CROCC: variants seen among roughly 807,000 people sequenced by gnomAD.
CROCC encodes ciliary rootlet coiled-coil, rootletin, also known as rootletin.
In CROCC, 180 loss-of-function variants were observed where a neutral mutation model predicts 245.2. The observed-to-expected ratio is 0.73, with a 90% CI of 0.65 to 0.83. The LOEUF is 0.83. Ranked by LOEUF, CROCC falls within the 40% of genes least tolerant of loss-of-function variation. The pLI is 0.00. For missense variants in CROCC, 2,688 were observed against 2,779.4 expected (o/e 0.97, Z 0.74); for synonymous variants, 1,205 against 1,241.6 (o/e 0.97, Z 0.62).
chr1:16,930,994 C>T (rs2075664221), intron 7 of CROCC, among the ~76,000 whole-genome samples: 1 of 152,404 alleles, frequency 6.6e-6, no homozygotes, highest in East Asian at 1.9e-4. Context: ...AAGTAACCTG[C>T]CCACAGTCAT....
rs774162350 is a variant in CROCC at position 16,970,331 on chromosome 1, C to T, written c.5530C>T (p.Gln1844Ter). 6.3e-7 allele frequency: 1 copy of T among 1,587,562 alleles called. No individual in the cohort carries two copies. The highest frequency in any genetic ancestry group is 1.1e-5 in the South Asian group (1 of 87,550). Residue 1844 changes from glutamine to a stop codon, truncating the protein, a stop_gained, in exon 34 of 37, where the codon CAG becomes TAG. Transcript: ENST00000375541. LOFTEE classifies it high-confidence loss of function. Reference protein sequence around the residue: ...QKLQDERRLLQERLGSLQRAL... With the variant: ...QKLQDERRLL Reference sequence around the variant, plus strand: ...GCTGCAAGACGAGCGGCGGCTGCTGCAGGAGCGCCTGGGAAGCCTGCAGCG... The same window carrying T: ...GCTGCAAGACGAGCGGCGGCTGCTGTAGGAGCGCCTGGGAAGCCTGCAGCG...
rs372884123 is a variant in CROCC, at chr1:16,970,323, G to A, written c.5522G>A (p.Arg1841Gln). The A allele has an allele frequency of 2.6e-4, 406 of 1,586,032 alleles. 1 individual carries two copies. In the African/African-American group the frequency reaches 4.7e-3, roughly 18 times the overall value. The change falls in exon 34 of 37, where the codon CGG becomes CAG. Residue 1841 changes from arginine (R) to glutamine (Q), a missense_variant. Around this residue, in one of 9 missense-constraint regions of CROCC, gnomAD observed 1,218 missense variants for 1,286.3 expected, o/e 0.95. Transcript: ENST00000375541. Reference protein sequence around the residue: ...NTVQKLQDERRLLQERLGSLQ... With the variant: ...NTVQKLQDERQLLQERLGSLQ... ...GTCCAGAAGCTGCAAGACGAGCGGC[G>A]GCTGCTGCAGGAGCGCCTGGGAAGC...
chr1:16,916,641 G>A (rs773063814), intron 1 of CROCC, among the ~76,000 whole-genome samples: 8 of 152,262 alleles, frequency 5.3e-5, no homozygotes, highest in Admixed American at 3.9e-4. Flanking sequence ...CAAGGAACTG[G>A]GACTACAGGA....
chr1:16,947,202 C>T (rs1467403952), intron 17 of CROCC, among the ~76,000 whole-genome samples: 1 of 152,288 alleles, frequency 6.6e-6, no homozygotes, highest in Admixed American at 6.5e-5. Context: ...GCCAGCCAGG[C>T]GCAGTGGCTC....
chr1:16,919,979 C>T (rs1471702510), upstream of CROCC, among the ~76,000 whole-genome samples: 2 of 152,262 alleles, frequency 1.3e-5, no homozygotes, highest in Non-Finnish European at 2.9e-5. Context: ...GCAACCTCCT[C>T]CTCCTGGGTT....
chr1:16,962,378 A>C (rs2076346974), intron 27 of CROCC, among the ~76,000 whole-genome samples: 1 of 150,698 alleles, frequency 6.6e-6, no homozygotes, highest in African/African-American at 2.4e-5. Flanking sequence ...CTAAAAATAC[A>C]AAAAAAATTA....
In CROCC at chr1:16,972,707, G is replaced by A. The variant is rs1267514529; in HGVS notation, c.*261G>A. ...AAGTTCCTCCTTGAGAGGCTGAGCC[G>A]TAGCCAGGATTGGGGAGAGCCCTTG... On this transcript the variant is annotated 3_prime_UTR_variant, in exon 37 of 37. Coordinates refer to ENST00000375541, the MANE Select transcript of CROCC (RefSeq NM_014675.5). The A allele has an allele frequency of 1.9e-5, 6 of 321,222 alleles. No individual in the cohort carries two copies. The highest frequency in any genetic ancestry group is 4.7e-5 in the South Asian group (1 of 21,404). The allele number at this position is 321,222 out of a possible 1,614,324, so 19.9% of individuals were successfully genotyped here. A position where few individuals can be genotyped will look rare whatever the true frequency, so the allele number is the denominator to read the frequency against.
intron 26 of CROCC, among the ~76,000 whole-genome samples, chr1:16,959,184 A>G (rs2076292741): frequency 6.6e-6 from 1 of 151,988 alleles, no homozygotes; most frequent in African/African-American, 2.4e-5. Flanking sequence ...CACCACGCCC[A>G]GCTAATTTTT....
intron 33 of CROCC, 138 bp from the exon 34 acceptor site, chr1:16,970,115 T>C (rs2076489831): frequency 2.1e-5 from 25 of 1,200,730 alleles, no homozygotes; most frequent in Non-Finnish European, 2.5e-5. Flanking sequence ...AGAGACAGGT[T>C]TGGCTTCAGG....
In CROCC at chr1:16,930,501, T is replaced by C. The variant is rs376226035; in HGVS notation, c.756T>C (p.Ala252=). ...ACCAGGCAGGCTCGGCCAACCAGGC[T>C]CTGAGTGAGGACATACGAAAGGTGA... ...QLDQAGSANQ[A]LSEDIRKVTN... Residue 252 remains alanine (A), a synonymous_variant, in exon 7 of 37, where the codon GCT becomes GCC. Transcript: ENST00000375541. 8 of 1,612,290 alleles carry C rather than the reference T, an allele frequency of 5.0e-6. No individual in the cohort carries two copies. The African/African-American group carries it at 9.3e-5, about 19-fold the overall frequency.
intron 31 of CROCC, 74 bp downstream of exon 31, chr1:16,968,492 C>G: frequency 7.3e-7 from 1 of 1,362,946 alleles, no homozygotes; most frequent in Non-Finnish European, 9.7e-7. Flanking sequence ...ACTACGCAGT[C>G]CCCCAACAAC....
intron 1 of CROCC, among the ~76,000 whole-genome samples, chr1:16,914,266 C>T (rs1330066524): frequency 1.3e-5 from 2 of 152,144 alleles, no homozygotes; most frequent in African/African-American, 4.8e-5. Flanking sequence ...CCGCGACTGC[C>T]GCGGCCCGGC....
Position 16,966,553 on chromosome 1 carries a change from C to G in CROCC, c.4842C>G (p.Ser1614Arg). Reference sequence around the variant, plus strand: ...AGAGGAGCCTGCAGGCCACCGAGAGCGAGCTCCGGGCCAGCCAGGTGGGCA... The same window carrying G: ...AGAGGAGCCTGCAGGCCACCGAGAGGGAGCTCCGGGCCAGCCAGGTGGGCA... The part of the protein sequence containing the change: ...TLERSLQATE[S>R]ELRASQEKIS... Residue 1614 changes from serine (S) to arginine (R), a missense_variant, in exon 30 of 37, where the codon AGC (serine) becomes AGG (arginine). Physicochemically the swap from Ser to Arg is moderately radical, Grantham distance 110. Transcript: ENST00000375541. The surrounding 1 kb of genome is among the most constrained non-coding windows in gnomAD (Gnocchi z 4.8). 1 of 1,490,206 alleles carries G rather than the reference C, an allele frequency of 6.7e-7. No individual in the cohort carries two copies. Among genetic ancestry groups the G allele is most frequent in the Non-Finnish European group, 8.9e-7 (1 of 1,122,732 alleles). 92.3% of individuals were successfully genotyped at this position (1,490,206 alleles called of 1,614,324 possible). A position where few individuals can be genotyped will look rare whatever the true frequency, so the allele number is the denominator to read the frequency against.
intron 24 of CROCC, 69 bp downstream of exon 24, chr1:16,955,619 C>G (rs776032297): frequency 5.6e-5 from 73 of 1,314,850 alleles, no homozygotes; most frequent in South Asian, 4.1e-4. Flanking sequence ...AACTTCACCC[C>G]CAACGTTCTG....
At chr1:16,957,986 T>G (rs1570691723) in intron 25 of CROCC, among the ~76,000 whole-genome samples, 1 of 125,268 alleles carries the variant, frequency 8.0e-6, no homozygotes. Context: ...ATGGGGGAGG[T>G]AGGCAGTACC....
chr1:16,946,471 C>G (rs535440804), intron 16 of CROCC, 66 bp downstream of exon 16: 17 of 1,574,044 alleles, frequency 1.1e-5, no homozygotes, highest in Non-Finnish European at 1.4e-5. Context: ...TGAGGCACCC[C>G]GGGCCCAGCC....
chr1:16,938,948 G>A lies in CROCC; in HGVS notation c.1414G>A (p.Gly472Ser), dbSNP rs1227616183. 5 of 1,601,716 alleles carry A rather than the reference G, an allele frequency of 3.1e-6. No homozygotes were observed. In the African/African-American group the frequency reaches 4.0e-5, roughly 13 times the overall value. ...SDSESGVQLS[G>S]SERTADASNG... Reference sequence around the variant, plus strand: ...CTCTGAGAGCGGCGTCCAGCTGAGCGGCTCTGAGCGCACCGCGGATGCTTC... The same window carrying A: ...CTCTGAGAGCGGCGTCCAGCTGAGCAGCTCTGAGCGCACCGCGGATGCTTC... The change falls in exon 12 of 37, where the codon GGC (glycine) becomes AGC (serine). Residue 472 changes from glycine to serine, a missense_variant. Physicochemically the swap from Gly to Ser is moderately conservative, Grantham distance 56. Coordinates refer to ENST00000375541, the MANE Select transcript of CROCC (RefSeq NM_014675.5).
At chr1:16,960,033 G>A (rs1282126616) in intron 26 of CROCC, among the ~76,000 whole-genome samples, 2 of 152,082 alleles carry the variant, frequency 1.3e-5, no homozygotes, top group South Asian at 4.2e-4. Context: ...TTGGGAGGCC[G>A]AGGCTGGCAG....
chr1:16,954,753 C>T lies in CROCC; in HGVS notation c.3341C>T (p.Thr1114Met), dbSNP rs200801306. The change falls in exon 23 of 37, where the codon ACG (threonine) becomes ATG (methionine). Residue 1114 changes from threonine (T) to methionine (M), a missense_variant. By Grantham distance (81) the Thr-to-Met change is moderately conservative (BLOSUM62 -1). This residue lies in a region of CROCC where 32 missense variants were observed against 54.1 expected (regional missense o/e 0.59). Transcript: ENST00000375541. The surrounding 1 kb of genome is among the most constrained non-coding windows in gnomAD (Gnocchi z 4.4). ...TCCCAGAGCACCGTGAACGCTCTGA[C>T]GTCTGAGCTGCGGGACCTACGGGCC... ...EQDRSTVNAL[T>M]SELRDLRAQR... 1.0e-5 allele frequency: 16 copies of T among 1,557,074 alleles called. No individual in the cohort carries two copies. Among genetic ancestry groups the T allele is most frequent in the East Asian group, 9.7e-5 (4 of 41,374 alleles).
Sources: gnomAD v4.1 joint callset for allele counts (sites outside exome capture counted in the v4.1 genomes callset) on GRCh38, gnomAD v4.1.1 for gene constraint, gnomAD v4.1.1 regional missense constraint, Gnocchi (gnomAD v3.1) non-coding constraint, MANE v1.5 for transcripts, NCBI Gene and HGNC (gene_info 2026-07-23, HGNC 2026-07-21) for gene names.